Variants in KATNIP observed in about 807,000 individuals in gnomAD.
The protein encoded by KATNIP is katanin-interacting protein.
A neutral mutation model predicts 174.0 loss-of-function variants in KATNIP; 126 were observed. That is an observed-to-expected ratio of 0.72 (90% CI 0.63 to 0.84). KATNIP has a LOEUF of 0.84. Ranked by LOEUF, KATNIP falls within the 40% of genes least tolerant of loss-of-function variation. KATNIP has a pLI of 0.00. For synonymous variants in KATNIP, 810 were observed against 835.7 expected, an observed-to-expected ratio of 0.97 and a Z score of 0.53; for missense variants, 1,958 against 2,109.7, an observed-to-expected ratio of 0.93 and a Z score of 1.41.
At chr16:27,583,627 T>C (rs1268317191) in intron 2 of KATNIP, among the ~76,000 whole-genome samples, 1 of 152,200 alleles carries the variant, frequency 6.6e-6, no homozygotes, top group African/African-American at 2.4e-5. Flanking sequence ...TGCTTTCCCC[T>C]CTCTGAGCCC....
Position 27,766,309 on chromosome 16 carries a change from G to A in KATNIP, c.3810G>A (p.Lys1270=), listed in dbSNP as rs2082122452. ...EYSDDSRALD[K]LIDGTNITME... ...TGCCGCTCCGTCCCCATTGCTGCAG[G>A]TTAATTGATGGCACCAACATCACCA... Residue 1270 remains lysine, a splice_region_variant and synonymous_variant, in exon 20 of 28, where the codon AAG becomes AAA. Coordinates refer to ENST00000261588, the MANE Select transcript of KATNIP (RefSeq NM_015202.5). 1 of 1,613,976 alleles carries A rather than the reference G, an allele frequency of 6.2e-7. No individual in the cohort carries two copies. The highest frequency in any genetic ancestry group is 1.7e-5 in the Admixed American group (1 of 60,010).
At chr16:27,613,190 T>C (rs897479909) in intron 2 of KATNIP, among the ~76,000 whole-genome samples, 2 of 151,576 alleles carry the variant, frequency 1.3e-5, no homozygotes, top group Non-Finnish European at 2.9e-5. Context: ...GGGAGGATAG[T>C]TTGAGCCCAG....
intron 6 of KATNIP, chr16:27,659,899 G>T (rs994476172): frequency 1.9e-5 from 8 of 427,282 alleles, no homozygotes; most frequent in Non-Finnish European, 2.2e-5. Flanking sequence ...TGTTTGACTT[G>T]GACTTAGAAA....
At chr16:27,652,402 A>G (rs1024401101) in intron 6 of KATNIP, among the ~76,000 whole-genome samples, 1 of 152,230 alleles carries the variant, frequency 6.6e-6, no homozygotes, top group Admixed American at 6.5e-5. Context: ...CCTGTTTTAC[A>G]TCTCTGGTGA....
At position 27,776,304 on chromosome 16, in the gene KATNIP, T is replaced by C. The variant is rs1298858936; in HGVS notation, c.4450-624T>C. ...GAATGCTTATTTCTTGATTCTGTCT[T>C]GCAAGGGAGGGCCTCCCCTAATATC... On this transcript the variant is annotated intron_variant, in intron 24 of 27. Transcript: ENST00000261588. The surrounding 1 kb of genome is among the most constrained non-coding windows in gnomAD (Gnocchi z 4.7). 6.6e-6 allele frequency among the ~76,000 whole-genome samples: 1 copy of C among 152,076 alleles called. No individual in the cohort carries two copies. The highest frequency in any genetic ancestry group is 1.5e-5 in the Non-Finnish European group (1 of 68,004).
intron 2 of KATNIP, among the ~76,000 whole-genome samples, chr16:27,578,533 A>C (rs1053022952): frequency 2.0e-5 from 3 of 152,184 alleles, no homozygotes; most frequent in Middle Eastern, 3.4e-3. Flanking sequence ...GGAGGGAAAG[A>C]CTTCCTGGGA....
At chr16:27,754,336 C>T (rs1038267267) in intron 18 of KATNIP, 85 bp downstream of exon 18, 88 of 1,163,744 alleles carry the variant, frequency 7.6e-5, no homozygotes, top group South Asian at 3.9e-4. Flanking sequence ...GACAGGGTTT[C>T]GCTGGACAAT....
intron 13 of KATNIP, 118 bp downstream of exon 13, chr16:27,709,038 GC>G: frequency 2.5e-6 from 2 of 784,430 alleles, no homozygotes; most frequent in Non-Finnish European, 4.1e-6. Context: ...ACAAAATCTG[GC>G]CAGGTACAGA....
intron 5 of KATNIP, among the ~76,000 whole-genome samples, chr16:27,646,018 C>T (rs544094955): frequency 2.0e-5 from 3 of 152,248 alleles, no homozygotes; most frequent in East Asian, 3.9e-4. Flanking sequence ...GGTTTGGATG[C>T]ATGGAAAAGA....
chr16:27,634,015 A>G (rs566345475), intron 5 of KATNIP, among the ~76,000 whole-genome samples: 1 of 152,334 alleles, frequency 6.6e-6, no homozygotes, highest in African/African-American at 2.4e-5. Flanking sequence ...ATTTGTTGCT[A>G]ATGAGGCCTT....
intron 2 of KATNIP, among the ~76,000 whole-genome samples, chr16:27,586,244 CAT>C (rs1423348760): frequency 6.6e-6 from 1 of 152,058 alleles, no homozygotes; most frequent in African/African-American, 2.4e-5. Flanking sequence ...TCATGTAACT[CAT>C]AAATATATAC....
At chr16:27,737,465 C>A (rs1183920004) in intron 14 of KATNIP, among the ~76,000 whole-genome samples, 1 of 152,062 alleles carries the variant, frequency 6.6e-6, no homozygotes, top group Non-Finnish European at 1.5e-5. Flanking sequence ...GCCAAGCAGT[C>A]ACTTGGGGCT....
intron 13 of KATNIP, among the ~76,000 whole-genome samples, chr16:27,719,382 C>T (rs1218672274): frequency 1.3e-5 from 2 of 152,154 alleles, no homozygotes; most frequent in African/African-American, 4.8e-5. Context: ...TCCACCACCA[C>T]CTTTTTTTGA....
chr16:27,595,547 A>C (rs915423976), intron 2 of KATNIP, among the ~76,000 whole-genome samples: 3 of 151,446 alleles, frequency 2.0e-5, no homozygotes, highest in Admixed American at 6.6e-5. Flanking sequence ...TGGGGGCCCT[A>C]TAGAGGAAAC....
chr16:27,608,379 C>G (rs558579772), intron 2 of KATNIP, among the ~76,000 whole-genome samples: 1 of 147,872 alleles, frequency 6.8e-6, no homozygotes, highest in African/African-American at 2.5e-5. Flanking sequence ...TACGGGTGCA[C>G]GCCACCATGA....
chr16:27,553,163 G>T (rs1218929831), intron 1 of KATNIP, among the ~76,000 whole-genome samples: 2 of 152,130 alleles, frequency 1.3e-5, no homozygotes, highest in Non-Finnish European at 2.9e-5. Context: ...GAAAATGTTG[G>T]TTCAGTGAGT....
At chr16:27,679,588 A>C (rs1046781488) in intron 7 of KATNIP, among the ~76,000 whole-genome samples, 3 of 151,908 alleles carry the variant, frequency 2.0e-5, no homozygotes, top group African/African-American at 4.8e-5. Flanking sequence ...CTCTACAAAA[A>C]AATGTTTTAA....
Position 27,776,989 on chromosome 16 carries a change from A to G in KATNIP, c.4511A>G (p.Asn1504Ser). Residue 1504 changes from asparagine to serine, a missense_variant, in exon 25 of 28, where the codon AAT becomes AGT. Asn to Ser is a conservative substitution (Grantham distance 46). Around this residue, in one of 3 missense-constraint regions of KATNIP, gnomAD observed 383 missense variants for 456.0 expected, o/e 0.84. Coordinates refer to ENST00000261588, the MANE Select transcript of KATNIP (RefSeq NM_015202.5). The surrounding 1 kb of genome is among the most constrained non-coding windows in gnomAD (Gnocchi z 4.7). ...ACCGTGTCAATGATCAAACTGTGGA[A>G]TTATGCGAAAACACCCCATCGAGGG... The part of the protein sequence containing the change: ...PTTVSMIKLW[N>S]YAKTPHRGVK... The G allele has an allele frequency of 6.2e-7, 1 of 1,613,974 alleles. No individual in the cohort carries two copies. The highest frequency in any genetic ancestry group is 2.2e-5 in the East Asian group (1 of 44,878).
intron 6 of KATNIP, among the ~76,000 whole-genome samples, chr16:27,671,832 G>A (rs1013625260): frequency 6.6e-6 from 1 of 152,116 alleles, no homozygotes; most frequent in Non-Finnish European, 1.5e-5. Flanking sequence ...GAGGCGGGTG[G>A]ATCACCTGAA....
Sources: allele counts gnomAD v4.1 joint callset (sites outside exome capture counted in the v4.1 genomes callset), GRCh38; gene constraint gnomAD v4.1.1; regional missense constraint gnomAD v4.1.1; non-coding constraint Gnocchi (gnomAD v3.1); transcripts MANE v1.5; gene names NCBI Gene and HGNC (gene_info 2026-07-23, HGNC 2026-07-21).